The following TMTC1 variants were observed in gnomAD, a reference collection of about 807,000 sequenced individuals.
TMTC1 encodes the protein transmembrane O-mannosyltransferase targeting cadherins 1.
In TMTC1, 73 loss-of-function variants were observed where a neutral mutation model predicts 104.8. The ratio of observed to expected loss-of-function variants is 0.70; its 90% CI spans 0.58 to 0.85. The LOEUF (loss-of-function observed/expected upper bound fraction) is 0.85, where lower values mean the gene tolerates loss of function less well. Ranked by LOEUF, TMTC1 falls within the 40% of genes least tolerant of loss-of-function variation. The pLI is 0.00. For missense variants in TMTC1, 1,035 were observed against 1,096.1 expected, an observed-to-expected ratio of 0.94 and a Z score of 0.79; for synonymous variants, 434 against 428.7, an observed-to-expected ratio of 1.01 and a Z score of -0.15.
At chr12:29,648,772 G>A (rs533198803) in intron 5 of TMTC1, among the ~76,000 whole-genome samples, 11 of 152,018 alleles carry the variant, frequency 7.2e-5, no homozygotes, top group Non-Finnish European at 1.6e-4. Context: ...AATTAGTTTC[G>A]GAAATATATT....
At chr12:29,758,666 T>G (rs76808946) in intron 3 of TMTC1, 38 bp downstream of exon 3, 3 of 1,592,230 alleles carry the variant, frequency 1.9e-6, no homozygotes, top group African/African-American at 1.3e-5. Flanking sequence ...CACGGCACAG[T>G]TGCGATCACA....
chr12:29,593,918 T>C (rs956028812), intron 7 of TMTC1, among the ~76,000 whole-genome samples: 4 of 152,196 alleles, frequency 2.6e-5, no homozygotes, highest in African/African-American at 9.7e-5. Context: ...AGTTGAACCA[T>C]TGTGGTTGAA....
intron 6 of TMTC1, among the ~76,000 whole-genome samples, chr12:29,620,656 A>G (rs552982669): frequency 3.3e-5 from 5 of 152,324 alleles, no homozygotes; most frequent in Admixed American, 3.3e-4. Context: ...ACTGCATCAA[A>G]TGAAGTGGTG....
At chr12:29,539,174 T>TA in intron 10 of TMTC1, among the ~76,000 whole-genome samples, 1 of 152,234 alleles carries the variant, frequency 6.6e-6, no homozygotes, top group East Asian at 1.9e-4. Context: ...TTCATCTAAA[T>TA]AAAACCTTTC....
intron 5 of TMTC1, among the ~76,000 whole-genome samples, chr12:29,680,165 T>G (rs1940866308): frequency 6.6e-6 from 1 of 152,150 alleles, no homozygotes; most frequent in African/African-American, 2.4e-5. Context: ...TCAATGAGAT[T>G]AAGCAAAATC....
chr12:29,622,707 G>A (rs528470330), intron 6 of TMTC1, among the ~76,000 whole-genome samples: 9 of 152,218 alleles, frequency 5.9e-5, no homozygotes, highest in South Asian at 2.1e-4. Flanking sequence ...AAAACAATTC[G>A]ATCCAATAAG....
chr12:29,638,676 T>C (rs1394488055), intron 5 of TMTC1, among the ~76,000 whole-genome samples: 1 of 152,164 alleles, frequency 6.6e-6, no homozygotes, highest in Non-Finnish European at 1.5e-5. Context: ...CCCTAGATGC[T>C]GCCAGGGGGT....
chr12:29,764,480 T>G (rs1943420210), intron 2 of TMTC1, among the ~76,000 whole-genome samples: 1 of 152,096 alleles, frequency 6.6e-6, no homozygotes, highest in African/African-American at 2.4e-5. Context: ...TGCATCCCAG[T>G]CTGGGCTACA....
At chr12:29,586,341 A>G (rs1946133148) in intron 7 of TMTC1, among the ~76,000 whole-genome samples, 1 of 152,160 alleles carries the variant, frequency 6.6e-6, no homozygotes, top group Admixed American at 6.5e-5. Flanking sequence ...TTGGGCTGAG[A>G]TGATGGGGTT....
intron 8 of TMTC1, among the ~76,000 whole-genome samples, chr12:29,576,620 G>T (rs1285011487): frequency 6.6e-6 from 1 of 152,090 alleles, no homozygotes; most frequent in African/African-American, 2.4e-5. Flanking sequence ...ATGGTTAGTA[G>T]GTGTGGCAAG....
intron 10 of TMTC1, among the ~76,000 whole-genome samples, chr12:29,556,052 C>CTTT (rs34199321): frequency 0.017 from 2,539 of 149,490 alleles, 73 homozygotes; most frequent in African/African-American, 0.059. Context: ...ATTTGTTAAC[C>CTTT]TTTTTTTTTT....
chr12:29,759,212 G>A (rs1267103866), intron 2 of TMTC1, among the ~76,000 whole-genome samples: 2 of 152,198 alleles, frequency 1.3e-5, no homozygotes, highest in East Asian at 1.9e-4. Context: ...TAACAAGAAT[G>A]GGGCCGGGCA....
chr12:29,678,864 T>C (rs1940819367), intron 5 of TMTC1, among the ~76,000 whole-genome samples: 1 of 152,090 alleles, frequency 6.6e-6, no homozygotes, highest in African/African-American at 2.4e-5. Flanking sequence ...AAAAAAATCA[T>C]GGACTTCCCA....
chr12:29,572,429 TTA>T (rs1025556906), intron 8 of TMTC1, among the ~76,000 whole-genome samples: 5 of 152,200 alleles, frequency 3.3e-5, no homozygotes, highest in African/African-American at 9.7e-5. Context: ...CAGTATAGTG[TTA>T]TGTATAGCTG....
intron 7 of TMTC1, among the ~76,000 whole-genome samples, chr12:29,594,413 T>G (rs892546723): frequency 5.9e-5 from 9 of 152,242 alleles, no homozygotes; most frequent in African/African-American, 2.2e-4. Flanking sequence ...TCATAATGTG[T>G]CCATCGTTCT....
At chr12:29,555,278 C>T (rs2136253546) in intron 10 of TMTC1, among the ~76,000 whole-genome samples, 1 of 151,402 alleles carries the variant, frequency 6.6e-6, no homozygotes, top group South Asian at 2.1e-4. Flanking sequence ...GCCAGGATTA[C>T]AGGCACAAGT....
chr12:29,665,467 T>A (rs772678037), intron 5 of TMTC1, among the ~76,000 whole-genome samples: 6 of 152,282 alleles, frequency 3.9e-5, no homozygotes, highest in Non-Finnish European at 7.4e-5. Context: ...AAGTTTACCA[T>A]CCATAGTTAC....
intron 6 of TMTC1, among the ~76,000 whole-genome samples, chr12:29,611,573 G>C (rs753114959): frequency 7.2e-5 from 11 of 152,170 alleles, no homozygotes; most frequent in Non-Finnish European, 1.0e-4. Context: ...ATATTTTCCT[G>C]ATTAGAATGC....
chr12:29,714,286 T>G (rs1942016973), intron 5 of TMTC1, among the ~76,000 whole-genome samples: 1 of 152,246 alleles, frequency 6.6e-6, no homozygotes, highest in Non-Finnish European at 1.5e-5. Flanking sequence ...TAAGTGCTTT[T>G]CCTCATGACA....
Sources: gnomAD v4.1 joint callset for allele counts (sites outside exome capture counted in the v4.1 genomes callset) on GRCh38, gnomAD v4.1.1 for gene constraint, MANE v1.5 for transcripts, NCBI Gene and HGNC (gene_info 2026-07-23, HGNC 2026-07-21) for gene names.